The following NADK variants were observed in gnomAD, a reference collection of about 807,000 sequenced individuals.
The protein encoded by NADK is NAD kinase, also known as poly(P)/ATP NAD kinase.
A neutral mutation model predicts 49.8 loss-of-function variants in NADK; 22 were observed. The ratio of observed to expected loss-of-function variants is 0.44; its 90% CI spans 0.32 to 0.63. The LOEUF (loss-of-function observed/expected upper bound fraction) is 0.63. NADK is among the 30% of genes least tolerant of loss of function. The pLI, the probability that NADK is intolerant of heterozygous loss-of-function variation, is 0.06. For synonymous variants in NADK, 268 were observed against 253.7 expected (o/e 1.06, Z -0.54); for missense variants, 438 against 609.4 (o/e 0.72, Z 2.96).
At chr1:1,757,549 C>G (rs1645570137) in intron 3 of NADK, among the ~76,000 whole-genome samples, 1 of 151,902 alleles carries the variant, frequency 6.6e-6, no homozygotes. Context: ...CAGGCTCAGG[C>G]CCACAACCCC....
intron 1 of NADK, among the ~76,000 whole-genome samples, chr1:1,768,279 T>C (rs1178849147): frequency 1.3e-5 from 2 of 152,014 alleles, no homozygotes; most frequent in African/African-American, 2.4e-5. Context: ...GGCTCACTCA[T>C]GTAATCCCAG....
intron 3 of NADK, among the ~76,000 whole-genome samples, chr1:1,757,861 T>C (rs561341962): frequency 1.3e-5 from 2 of 152,216 alleles, no homozygotes; most frequent in Non-Finnish European, 2.9e-5. Flanking sequence ...GAACGGACTT[T>C]AACCTCACTC....
chr1:1,755,832 T>G (rs1420364971), intron 6 of NADK, among the ~76,000 whole-genome samples: 1 of 152,108 alleles, frequency 6.6e-6, no homozygotes, highest in Non-Finnish European at 1.5e-5. Flanking sequence ...CAGGGCGGGC[T>G]GCGGGCATTT....
intron 3 of NADK, chr1:1,758,337 T>C (rs1645597303): frequency 1.9e-6 from 3 of 1,589,808 alleles, no homozygotes; most frequent in Non-Finnish European, 2.6e-6. Flanking sequence ...CCATCGCTTG[T>C]GACCTTCGGA....
intron 7 of NADK, 45 bp downstream of exon 7, chr1:1,755,329 C>T (rs761949093): frequency 1.7e-5 from 23 of 1,367,126 alleles, no homozygotes; most frequent in South Asian, 2.3e-5. Flanking sequence ...GAGACAGCAG[C>T]GCCATGATCA....
intron 1 of NADK, among the ~76,000 whole-genome samples, chr1:1,770,704 C>A (rs570782134): frequency 2.0e-5 from 3 of 152,004 alleles, no homozygotes; most frequent in African/African-American, 7.2e-5. Flanking sequence ...TGCACCCCAG[C>A]CTGGGTGACA....
At chr1:1,759,883 C>CGA in intron 3 of NADK, 2 of 1,550,668 alleles carry the variant, frequency 1.3e-6, no homozygotes, top group Non-Finnish European at 1.7e-6. Flanking sequence ...AGCTGAGATG[C>CGA]GAGTGACAAA....
intron 3 of NADK, chr1:1,759,921 G>A (rs1356110363): frequency 6.5e-7 from 1 of 1,550,256 alleles, no homozygotes; most frequent in South Asian, 1.2e-5. Context: ...ACCAGGAAGT[G>A]CAGGGAGGGC....
rs1645520703 is a variant in NADK, at chr1:1,756,323, G to T, written c.520C>A (p.Gln174Lys). The T allele has an allele frequency of 1.2e-6, 2 of 1,613,960 alleles. No individual in the cohort carries two copies. Among genetic ancestry groups the T allele is most frequent in the Admixed American group, 3.3e-5 (2 of 60,002 alleles). The stretch of plus-strand genomic sequence containing the variant: ...CCCAGGCAGATGATGAAGTCTATCT[G>T]ATTGGAAATGTCATCATAATCTAGG... ...FREDYDDISNQIDFIICLGGD... is the reference protein window; with the variant it reads ...FREDYDDISNKIDFIICLGGD... Residue 174 changes from glutamine (Q) to lysine (K), a missense_variant, in exon 6 of 12, where the codon CAG (glutamine) becomes AAG (lysine). Transcript: ENST00000341426.
At chr1:1,753,334 CA>C (rs1252252230) in intron 11 of NADK, among the ~76,000 whole-genome samples, 5 of 152,222 alleles carry the variant, frequency 3.3e-5, no homozygotes, top group Non-Finnish European at 4.4e-5. Flanking sequence ...GCAGCAGTGC[CA>C]GGGGGGACAC....
Position 1,752,016 on chromosome 1 carries a change from G to A in NADK, c.*888C>T, listed in dbSNP as rs369023451. The A allele has an allele frequency of 2.1e-4, 32 of 150,464 alleles. No individual in the cohort carries two copies. The South Asian group carries it at 3.2e-3, about 15-fold the overall frequency. The allele number at this position is 150,464 out of a possible 1,614,324, so 9.3% of individuals were successfully genotyped here. ...AAAAGGGATCACGATCACTAGCCCC[G>A]GAAACCCTCATCTCCCGGACCATCA... On this transcript the variant is annotated 3_prime_UTR_variant, in exon 12 of 12. Transcript: ENST00000341426.
intron 3 of NADK, among the ~76,000 whole-genome samples, chr1:1,761,500 C>A (rs972919416): frequency 6.6e-6 from 1 of 152,194 alleles, no homozygotes; most frequent in African/African-American, 2.4e-5. Context: ...GACACTATGA[C>A]GGGCCTCCAG....
At chr1:1,767,029 T>C (rs1645909890) in intron 1 of NADK, among the ~76,000 whole-genome samples, 1 of 151,790 alleles carries the variant, frequency 6.6e-6, no homozygotes, top group South Asian at 2.1e-4. Flanking sequence ...ATTTTCCTGC[T>C]TCAGCCTCCC....
chr1:1,759,608 G>A lies in NADK; in HGVS notation c.264-2298C>T, dbSNP rs996249529. The stretch of plus-strand genomic sequence containing the variant: ...GAAGTTCAGATGCATGGGAAGCCCT[G>A]CCCCTCCACAGCGGGGATGGGAAGC... On this transcript the variant is annotated intron_variant, in intron 3 of 11. Coordinates refer to ENST00000341426, the MANE Select transcript of NADK (RefSeq NM_023018.5). 9.7e-6 allele frequency: 11 copies of A among 1,130,106 alleles called. No homozygotes were observed. In the African/African-American group the frequency reaches 1.7e-4, roughly 18 times the overall value. 70.0% of individuals were successfully genotyped at this position (1,130,106 alleles called of 1,614,324 possible). A position where few individuals can be genotyped will look rare whatever the true frequency, so the allele number is the denominator to read the frequency against.
At chr1:1,774,448 T>C (rs1646147861) in intron 1 of NADK, among the ~76,000 whole-genome samples, 1 of 151,896 alleles carries the variant, frequency 6.6e-6, no homozygotes, top group Non-Finnish European at 1.5e-5. Context: ...CATGGAGGGG[T>C]TTCTCCATGT....
At chr1:1,771,054 A>T (rs1024051146) in intron 1 of NADK, among the ~76,000 whole-genome samples, 2 of 134,106 alleles carry the variant, frequency 1.5e-5, no homozygotes, top group African/African-American at 5.4e-5. Context: ...AAAAAAAAAA[A>T]AATATATATA....
At position 1,754,118 on chromosome 1, in the gene NADK, A is replaced by G; in HGVS notation, c.1034T>C (p.Ile345Thr). Residue 345 changes from isoleucine (I) to threonine (T), a missense_variant, in exon 10 of 12, where the codon ATC (isoleucine) becomes ACC (threonine). Ile to Thr is a moderately conservative substitution (Grantham distance 89). Coordinates refer to ENST00000341426, the MANE Select transcript of NADK (RefSeq NM_023018.5). The surrounding 1 kb of genome is among the most constrained non-coding windows in gnomAD (Gnocchi z 4.3). The stretch of plus-strand genomic sequence containing the variant: ...CAGCGAGTGGGGGCAGATGGGCGTG[A>G]TCATGATGGCCGGCACGTTGGGGTG... Reference protein sequence around the residue: ...MIHPNVPAIMITPICPHSLSF... With the variant: ...MIHPNVPAIMTTPICPHSLSF... 1.2e-6 allele frequency: 2 copies of G among 1,610,824 alleles called. No individual in the cohort carries two copies. The highest frequency in any genetic ancestry group is 1.7e-6 in the Non-Finnish European group (2 of 1,178,796).
chr1:1,779,741 C>T (rs139920776), upstream of NADK, among the ~76,000 whole-genome samples: 57 of 152,206 alleles, frequency 3.7e-4, 1 homozygote, highest in African/African-American at 1.3e-3. Context: ...AAACTTCACC[C>T]GCCTCGGCCT....
rs189350522 is a variant in NADK at position 1,761,031 on chromosome 1, C to T, written c.263+921G>A. Among the ~76,000 whole-genome samples, 99 of 152,290 alleles carry T rather than the reference C, an allele frequency of 6.5e-4. 1 individual carries two copies. Among genetic ancestry groups the T allele is most frequent in the Non-Finnish European group, 3.8e-4 (26 of 68,008 alleles). Reference sequence around the variant, plus strand: ...TTTCTGAGTCTGAGTCTTGCTCTGTCGCCCAGGCTGGAGTGCAATGGTGCG... The same window carrying T: ...TTTCTGAGTCTGAGTCTTGCTCTGTTGCCCAGGCTGGAGTGCAATGGTGCG... On this transcript the variant is annotated intron_variant, in intron 3 of 11. Transcript: ENST00000341426.
Sources: allele counts gnomAD v4.1 joint callset (sites outside exome capture counted in the v4.1 genomes callset), GRCh38; gene constraint gnomAD v4.1.1; non-coding constraint Gnocchi (gnomAD v3.1); transcripts MANE v1.5; gene names NCBI Gene and HGNC (gene_info 2026-07-23, HGNC 2026-07-21).